Variants in CARMIL1 observed in about 807,000 individuals in gnomAD.
CARMIL1 encodes the protein capping protein regulator and myosin 1 linker 1.
In CARMIL1, 90 loss-of-function variants were observed where a neutral mutation model predicts 177.1. The ratio of observed to expected loss-of-function variants is 0.51; its 90% confidence interval spans 0.43 to 0.61. The LOEUF is 0.61. Among genes scored for constraint, CARMIL1 ranks in the 20% least tolerant of loss-of-function variants. CARMIL1 has a pLI of 0.00. For synonymous variants in CARMIL1, 577 were observed against 606.2 expected, an observed-to-expected ratio of 0.95 and a Z score of 0.71; for missense variants, 1,380 against 1,667.0, an observed-to-expected ratio of 0.83 and a Z score of 3.00.
intron 32 of CARMIL1, among the ~76,000 whole-genome samples, chr6:25,596,499 A>T (rs1814862971): frequency 6.6e-6 from 1 of 152,122 alleles, no homozygotes; most frequent in Non-Finnish European, 1.5e-5. Flanking sequence ...ACTAATTTTT[A>T]TTCCTTTAGC....
At chr6:25,585,701 C>G (rs556530740) in intron 31 of CARMIL1, among the ~76,000 whole-genome samples, 101 of 152,212 alleles carry the variant, frequency 6.6e-4, no homozygotes, top group African/African-American at 2.3e-3. Flanking sequence ...TGCGGCCTTC[C>G]GCAGTGTTTG....
At chr6:25,604,529 C>T (rs1815748621) in intron 33 of CARMIL1, among the ~76,000 whole-genome samples, 1 of 152,190 alleles carries the variant, frequency 6.6e-6, no homozygotes, top group Non-Finnish European at 1.5e-5. Context: ...AGCCCACTGA[C>T]TTTCCCTGGC....
chr6:25,605,467 G>C (rs923324675), intron 34 of CARMIL1, among the ~76,000 whole-genome samples: 2 of 152,142 alleles, frequency 1.3e-5, no homozygotes, highest in African/African-American at 4.8e-5. Flanking sequence ...ACAGTATCTT[G>C]GTGCAGTAAG....
chr6:25,557,628 G>A (rs1810741945), intron 29 of CARMIL1, among the ~76,000 whole-genome samples: 2 of 152,106 alleles, frequency 1.3e-5, no homozygotes, highest in African/African-American at 4.8e-5. Context: ...TGAGGTGGTG[G>A]TGGTAAGACT....
At chr6:25,454,328 A>G (rs574647101) in intron 8 of CARMIL1, among the ~76,000 whole-genome samples, 2 of 152,362 alleles carry the variant, frequency 1.3e-5, no homozygotes, top group East Asian at 1.9e-4. Flanking sequence ...CAATTATACA[A>G]TTCCACTGTG....
intron 25 of CARMIL1, among the ~76,000 whole-genome samples, chr6:25,538,464 G>T (rs1299933484): frequency 6.6e-6 from 1 of 152,146 alleles, no homozygotes; most frequent in Non-Finnish European, 1.5e-5. Context: ...TTAGTATGAG[G>T]AATCTGTAGA....
At chr6:25,543,056 G>A (rs915754732) in intron 26 of CARMIL1, among the ~76,000 whole-genome samples, 28 of 152,102 alleles carry the variant, frequency 1.8e-4, no homozygotes, top group Admixed American at 1.8e-3. Context: ...TGTAAAAATA[G>A]TTTTTATTAT....
At chr6:25,291,695 T>A (rs969646458) in intron 2 of CARMIL1, among the ~76,000 whole-genome samples, 2 of 152,206 alleles carry the variant, frequency 1.3e-5, no homozygotes, top group South Asian at 2.1e-4. Flanking sequence ...TTTGGGATTG[T>A]ATTTTGGGAG....
At chr6:25,581,563 C>A in intron 31 of CARMIL1, 124 bp downstream of exon 31, 1 of 824,252 alleles carries the variant, frequency 1.2e-6, no homozygotes, top group Non-Finnish European at 1.9e-6. Flanking sequence ...ACTAGAACCT[C>A]TTTGCATGAG....
chr6:25,618,779 A>C (rs78151190), intron 36 of CARMIL1, among the ~76,000 whole-genome samples: 12,125 of 152,288 alleles, frequency 0.08, 623 homozygotes, highest in Non-Finnish European at 0.12. Context: ...AGCAGGCAAC[A>C]ATAATGGTAA....
At chr6:25,563,658 T>C in intron 29 of CARMIL1, 1 of 985,300 alleles carries the variant, frequency 1.0e-6, no homozygotes, top group African/African-American at 1.7e-5. Flanking sequence ...CAAATGCTTA[T>C]TGTCCATCCA....
At chr6:25,494,974 G>T in intron 15 of CARMIL1, 137 bp from the exon 16 acceptor site, 2 of 582,000 alleles carry the variant, frequency 3.4e-6, no homozygotes, top group Admixed American at 3.5e-5. Context: ...TTAGGTTTTG[G>T]ACATTTATTT....
At chr6:25,337,290 A>G (rs557368381) in intron 2 of CARMIL1, among the ~76,000 whole-genome samples, 7 of 152,308 alleles carry the variant, frequency 4.6e-5, no homozygotes, top group Admixed American at 2.0e-4. Context: ...ATTTTCTCCC[A>G]TATATTCACA....
chr6:25,302,207 A>G (rs1273496896), intron 2 of CARMIL1, among the ~76,000 whole-genome samples: 3 of 152,106 alleles, frequency 2.0e-5, no homozygotes, highest in Non-Finnish European at 4.4e-5. Context: ...TGTCTTTCCT[A>G]TTAGAACCAA....
At chr6:25,408,116 C>T (rs1794558333) in intron 2 of CARMIL1, among the ~76,000 whole-genome samples, 2 of 151,672 alleles carry the variant, frequency 1.3e-5, no homozygotes, top group South Asian at 4.2e-4. Context: ...GCAACATAGA[C>T]GTCATCTCTA....
intron 2 of CARMIL1, among the ~76,000 whole-genome samples, chr6:25,382,398 G>A (rs1313510407): frequency 6.6e-6 from 1 of 152,100 alleles, no homozygotes; most frequent in Non-Finnish European, 1.5e-5. Context: ...ATGAAGCCGC[G>A]GACCTTTGCG....
At chr6:25,514,202 G>A (rs1017398263) in intron 20 of CARMIL1, among the ~76,000 whole-genome samples, 1 of 152,132 alleles carries the variant, frequency 6.6e-6, no homozygotes, top group Non-Finnish European at 1.5e-5. Flanking sequence ...TAAATGGATG[G>A]AAAATGAGTG....
chr6:25,473,657 A>G (rs1281187550), intron 11 of CARMIL1, among the ~76,000 whole-genome samples: 2 of 152,198 alleles, frequency 1.3e-5, no homozygotes, highest in Admixed American at 6.5e-5. Context: ...AAAAATCCAC[A>G]CGGAAGTGGA....
chr6:25,505,124 A>G (rs111305753), intron 17 of CARMIL1, among the ~76,000 whole-genome samples: 3,213 of 152,296 alleles, frequency 0.021, 100 homozygotes, highest in African/African-American at 0.07. Flanking sequence ...AATTGCCTTC[A>G]AAGCTATTTT....
Sources: allele counts gnomAD v4.1 joint callset (sites outside exome capture counted in the v4.1 genomes callset), GRCh38; gene constraint gnomAD v4.1.1; transcripts MANE v1.5; gene names NCBI Gene and HGNC (gene_info 2026-07-23, HGNC 2026-07-21).